The following MCM9 variants were observed in gnomAD, a reference collection of about 807,000 sequenced individuals.
MCM9 encodes the protein minichromosome maintenance 9 homologous recombination repair factor.
Under a neutral mutation model 72.8 loss-of-function variants are expected in MCM9, and 55 were observed. The ratio of observed to expected loss-of-function variants is 0.76; its 90% CI spans 0.61 to 0.95. MCM9 has a LOEUF of 0.95. MCM9 is among the 40% of genes least tolerant of loss of function. MCM9 has a pLI of 0.00. For synonymous variants in MCM9, 480 were observed against 503.4 expected, an observed-to-expected ratio of 0.95 and a Z score of 0.62; for missense variants, 1,279 against 1,377.0, an observed-to-expected ratio of 0.93 and a Z score of 1.13.
At position 118,815,735 on chromosome 6, in the gene MCM9, T is replaced by A. The variant is rs1457706818; in HGVS notation, c.2521A>T (p.Thr841Ser). Residue 841 changes from threonine to serine, a missense_variant, in exon 14 of 14, where the codon ACT (threonine) becomes TCT (serine). Transcript: ENST00000619706. Reference sequence around the variant, plus strand: ...TGCAGGTTCCTGGGGACATGATGAGTCAGTACTGAGTCTGGTTTATCAGCA... The same window carrying A: ...TGCAGGTTCCTGGGGACATGATGAGACAGTACTGAGTCTGGTTTATCAGCA... ...VSADKPDSVL[T>S]HHVPRNLQKL... is the part of the protein sequence containing the mutation. The A allele has an allele frequency of 6.5e-7, 1 of 1,544,750 alleles. No individual in the cohort carries two copies. Among genetic ancestry groups the A allele is most frequent in the Admixed American group, 2.0e-5 (1 of 50,966 alleles).
At chr6:118,860,709 C>A (rs142440822) in intron 8 of MCM9, among the ~76,000 whole-genome samples, 8,758 of 152,096 alleles carry the variant, frequency 0.058, 363 homozygotes, top group East Asian at 0.19. Flanking sequence ...ATAAAAGAAG[C>A]CAGAGGAAGA....
intron 8 of MCM9, among the ~76,000 whole-genome samples, chr6:118,897,691 G>T (rs1779521574): frequency 6.6e-6 from 1 of 151,946 alleles, no homozygotes; most frequent in African/African-American, 2.4e-5. Context: ...ATTTAATCAT[G>T]ATTACTGTGA....
At chr6:118,887,129 T>C in intron 8 of MCM9, among the ~76,000 whole-genome samples, 1 of 152,124 alleles carries the variant, frequency 6.6e-6, no homozygotes, top group East Asian at 1.9e-4. Flanking sequence ...CTTTGCAGAA[T>C]TGATAGAGTG....
At position 118,816,187 on chromosome 6, in the gene MCM9, G is replaced by A. The variant is rs562476412; in HGVS notation, c.2069C>T (p.Ser690Leu). The A allele has an allele frequency of 3.2e-6, 5 of 1,550,400 alleles. No homozygotes were observed. The highest frequency in any genetic ancestry group is 4.4e-6 in the Non-Finnish European group (5 of 1,146,966). The part of the protein sequence containing the change: ...GPGEESNFRT[S>L]SQQEINYSTH... ...GCTATAGTTGATTTCCTGCTGTGAT[G>A]AAGTTCTGAAGTTTGATTCTTCCCC... The change falls in exon 14 of 14, where the codon TCA becomes TTA. Residue 690 changes from serine to leucine, a missense_variant. Ser to Leu is a moderately radical substitution (Grantham distance 145). Coordinates refer to ENST00000619706, the MANE Select transcript of MCM9 (RefSeq NM_017696.3).
Position 118,816,190 on chromosome 6 carries a change from G to T in MCM9, c.2066C>A (p.Thr689Asn). The T allele has an allele frequency of 6.4e-7, 1 of 1,550,510 alleles. No individual in the cohort carries two copies. Among genetic ancestry groups the T allele is most frequent in the Non-Finnish European group, 8.7e-7 (1 of 1,146,952 alleles). The stretch of plus-strand genomic sequence containing the variant: ...ATAGTTGATTTCCTGCTGTGATGAA[G>T]TTCTGAAGTTTGATTCTTCCCCTGG... ...NGPGEESNFR[T>N]SSQQEINYST... Residue 689 changes from threonine (T) to asparagine (N), a missense_variant, in exon 14 of 14, where the codon ACT becomes AAT. By Grantham distance (65) the Thr-to-Asn change is moderately conservative. Transcript: ENST00000619706.
Position 118,826,785 on chromosome 6 carries a change from C to A in MCM9, c.1812G>T (p.Met604Ile), listed in dbSNP as rs1383853205. ...ITVVSVMESS[M>I]QGGALLGGVN... ...TAGGTACACAAAATATCCTTACCTG[C>A]ATTGAGGACTCCATGACTGACACCA... is the stretch of plus-strand genomic sequence containing the variant. The change falls in exon 12 of 14, where the codon ATG (methionine) becomes ATT (isoleucine). Residue 604 changes from methionine (M) to isoleucine (I), a missense_variant. Physicochemically the swap from Met to Ile is conservative, Grantham distance 10 (BLOSUM62 1). Transcript: ENST00000619706. 11 of 1,547,696 alleles carry A rather than the reference C, an allele frequency of 7.1e-6. No individual in the cohort carries two copies. The highest frequency in any genetic ancestry group is 9.6e-6 in the Non-Finnish European group (11 of 1,145,554).
Position 118,828,007 on chromosome 6 carries a change from T to C in MCM9, c.1652A>G (p.Gln551Arg). Residue 551 changes from glutamine (Q) to arginine (R), a missense_variant, in exon 11 of 14, where the codon CAG (glutamine) becomes CGG (arginine). Gln to Arg is a conservative substitution (Grantham distance 43). Coordinates refer to ENST00000619706, the MANE Select transcript of MCM9 (RefSeq NM_017696.3). Reference sequence around the variant, plus strand: ...CCGGCAATCACTCTGCCTTTGCATCTGGTAGTACCGGAGAAGAACCTGATT... The same window carrying C: ...CCGGCAATCACTCTGCCTTTGCATCCGGTAGTACCGGAGAAGAACCTGATT... ...VGNQVLLRYY[Q>R]MQRQSDCRNA... The C allele has an allele frequency of 6.4e-7, 1 of 1,550,938 alleles. No individual in the cohort carries two copies.
rs1339525158 is a variant in MCM9, at chr6:118,815,249, G to A, written c.3007C>T (p.Pro1003Ser). 6.4e-7 allele frequency: 1 copy of A among 1,550,582 alleles called. No individual in the cohort carries two copies. Among genetic ancestry groups the A allele is most frequent in the East Asian group, 2.4e-5 (1 of 40,900 alleles). ...VSQQPPEKHG[P>S]REKVMCAPEK... is the part of the protein sequence containing the mutation. ...GGGGCACACATCACCTTCTCTCTTGGTCCGTGTTTCTCTGGTGGCTGCTGC... is the reference window on the plus strand; with the variant it reads ...GGGGCACACATCACCTTCTCTCTTGATCCGTGTTTCTCTGGTGGCTGCTGC... The change falls in exon 14 of 14, where the codon CCA (proline) becomes TCA (serine). Residue 1003 changes from proline (P) to serine (S), a missense_variant. Coordinates refer to ENST00000619706, the MANE Select transcript of MCM9 (RefSeq NM_017696.3).
intron 8 of MCM9, among the ~76,000 whole-genome samples, chr6:118,889,003 G>T (rs1264117140): frequency 1.3e-5 from 2 of 152,148 alleles, no homozygotes; most frequent in Non-Finnish European, 2.9e-5. Context: ...TGATTGTGAT[G>T]ATGGTTGCAC....
intron 3 of MCM9, among the ~76,000 whole-genome samples, chr6:118,930,301 A>G (rs1157556031): frequency 6.6e-6 from 1 of 151,760 alleles, no homozygotes; most frequent in Non-Finnish European, 1.5e-5. Flanking sequence ...TTTTGTAGAG[A>G]CGGGGTTTCA....
At chr6:118,909,539 A>G (rs1780390141) in intron 8 of MCM9, among the ~76,000 whole-genome samples, 1 of 152,162 alleles carries the variant, frequency 6.6e-6, no homozygotes. Flanking sequence ...CTGAAGAACT[A>G]TTTTCCACCC....
intron 8 of MCM9, among the ~76,000 whole-genome samples, chr6:118,864,935 T>C (rs1777126115): frequency 6.6e-6 from 1 of 151,888 alleles, no homozygotes; most frequent in Non-Finnish European, 1.5e-5. Flanking sequence ...GGTGGCTACA[T>C]GCCTGCTTGT....
intron 8 of MCM9, among the ~76,000 whole-genome samples, chr6:118,907,118 C>T (rs1253973426): frequency 6.6e-6 from 1 of 152,122 alleles, no homozygotes; most frequent in East Asian, 1.9e-4. Context: ...GAGATTCTTT[C>T]TTTTAGAAAA....
At chr6:118,911,406 T>C in intron 8 of MCM9, 2 of 1,228,110 alleles carry the variant, frequency 1.6e-6, no homozygotes, top group Admixed American at 8.2e-5. Context: ...AGTATGAAGG[T>C]AATCACTAGA....
intron 8 of MCM9, 118 bp from the exon 9 acceptor site, chr6:118,856,663 G>A: frequency 9.3e-7 from 1 of 1,080,138 alleles, no homozygotes; most frequent in Non-Finnish European, 1.3e-6. Context: ...AAGATTTCTT[G>A]AACACAGGAG....
chr6:118,891,354 G>A (rs995199597), intron 8 of MCM9, among the ~76,000 whole-genome samples: 9 of 152,114 alleles, frequency 5.9e-5, no homozygotes, highest in Admixed American at 2.0e-4. Context: ...TAATTCTGAG[G>A]GGAAAAATAT....
chr6:118,923,903 T>C lies in MCM9; in HGVS notation c.529A>G (p.Ser177Gly). The C allele has an allele frequency of 1.9e-6, 3 of 1,614,206 alleles. No individual in the cohort carries two copies. The highest frequency in any genetic ancestry group is 1.7e-6 in the Non-Finnish European group (2 of 1,180,026). The change falls in exon 4 of 14, where the codon AGC becomes GGC. Residue 177 changes from serine (S) to glycine (G), a missense_variant. Coordinates refer to ENST00000619706, the MANE Select transcript of MCM9 (RefSeq NM_017696.3). ...CRPSSCPSLE[S>G]CDSSKFTCLS... ...CAAGTGAATTTAGAGGAATCACAGC[T>C]CTCCAAGCTGGGACACGAGGATGGC...
At chr6:118,890,900 C>T (rs139017259) in intron 8 of MCM9, among the ~76,000 whole-genome samples, 2,126 of 152,156 alleles carry the variant, frequency 0.014, 42 homozygotes, top group African/African-American at 0.049. Flanking sequence ...AGTGATTACC[C>T]GAGGTGGAAA....
chr6:118,819,207 G>GC (rs1773620440), intron 13 of MCM9, among the ~76,000 whole-genome samples: 2 of 152,100 alleles, frequency 1.3e-5, no homozygotes, highest in Admixed American at 1.3e-4. Flanking sequence ...CAGTTTTCAA[G>GC]GGGAATGCTT....
Sources: allele counts gnomAD v4.1 joint callset (sites outside exome capture counted in the v4.1 genomes callset), GRCh38; gene constraint gnomAD v4.1.1; transcripts MANE v1.5; gene names NCBI Gene and HGNC (gene_info 2026-07-23, HGNC 2026-07-21).